The following CDH18 variants were observed in gnomAD, a reference collection of about 807,000 sequenced individuals.
The protein encoded by CDH18 is cadherin 18.
A neutral mutation model predicts 67.9 loss-of-function variants in CDH18; 31 were observed. The observed-to-expected ratio is 0.46, with a 90% confidence interval of 0.34 to 0.62. CDH18 has a LOEUF of 0.62. Among genes scored for constraint, CDH18 ranks in the 20% least tolerant of loss-of-function variants. The probability of loss-of-function intolerance (pLI) is 0.01; values close to 1 mark genes in which losing one functional copy is unlikely to be tolerated. For missense variants in CDH18, 890 were observed against 975.5 expected (o/e 0.91, Z 1.17); for synonymous variants, 362 against 347.2 (o/e 1.04, Z -0.48).
chr5:20,347,348 C>A (rs1468921848), intron 1 of CDH18, among the ~76,000 whole-genome samples: 13 of 152,168 alleles, frequency 8.5e-5, no homozygotes, highest in Non-Finnish European at 1.8e-4. Context: ...CAAACAATGT[C>A]CCCTCACAGC....
intron 3 of CDH18, among the ~76,000 whole-genome samples, chr5:19,836,573 T>C (rs755145897): frequency 1.3e-5 from 2 of 152,190 alleles, no homozygotes; most frequent in Non-Finnish European, 2.9e-5. Flanking sequence ...TATTAACCCT[T>C]TGCCAGATGG....
chr5:20,154,221 T>G (rs2126583028), intron 2 of CDH18, among the ~76,000 whole-genome samples: 1 of 152,324 alleles, frequency 6.6e-6, no homozygotes. Context: ...ATTTGTTTAT[T>G]AATCAGTTAG....
At chr5:19,671,322 G>GA (rs1293935864) in intron 5 of CDH18, among the ~76,000 whole-genome samples, 1 of 151,956 alleles carries the variant, frequency 6.6e-6, no homozygotes, top group African/African-American at 2.4e-5. Context: ...AGGTAATTAA[G>GA]AAAAAATAAC....
intron 2 of CDH18, among the ~76,000 whole-genome samples, chr5:20,005,860 G>A (rs1019552960): frequency 1.2e-4 from 18 of 151,854 alleles, no homozygotes; most frequent in Admixed American, 3.3e-4. Flanking sequence ...ATTTAACTAC[G>A]TTTCATGGAT....
intron 1 of CDH18, among the ~76,000 whole-genome samples, chr5:20,272,430 T>C (rs917380783): frequency 1.3e-5 from 2 of 152,068 alleles, no homozygotes; most frequent in African/African-American, 4.8e-5. Flanking sequence ...ACACAGTATG[T>C]TGAGGGAGTA....
intron 1 of CDH18, among the ~76,000 whole-genome samples, chr5:20,331,721 C>T (rs993724701): frequency 1.2e-4 from 18 of 152,158 alleles, no homozygotes; most frequent in Admixed American, 5.9e-4. Flanking sequence ...GGAGGAATTA[C>T]ACCTGGGCCC....
intron 2 of CDH18, among the ~76,000 whole-genome samples, chr5:20,053,935 A>T (rs1741675333): frequency 6.6e-6 from 1 of 152,086 alleles, no homozygotes; most frequent in South Asian, 2.1e-4. Flanking sequence ...GTTCCTGTGG[A>T]ACCCTTTGCT....
chr5:20,529,949 G>T (rs1353685507), intron 1 of CDH18, among the ~76,000 whole-genome samples: 2 of 152,004 alleles, frequency 1.3e-5, no homozygotes, highest in Non-Finnish European at 2.9e-5. Flanking sequence ...CGGTCAAATT[G>T]TCTTTGTTTG....
chr5:19,532,340 A>T (rs1434383428), intron 9 of CDH18, among the ~76,000 whole-genome samples: 1 of 152,170 alleles, frequency 6.6e-6, no homozygotes, highest in Non-Finnish European at 1.5e-5. Context: ...TGGGTTGTTG[A>T]CACCAAGATG....
chr5:20,511,236 T>C (rs1368160961), intron 1 of CDH18, among the ~76,000 whole-genome samples: 2 of 152,190 alleles, frequency 1.3e-5, no homozygotes, highest in Non-Finnish European at 2.9e-5. Flanking sequence ...TACAACGAAG[T>C]GTCAGCACTC....
intron 1 of CDH18, among the ~76,000 whole-genome samples, chr5:20,419,346 C>A (rs976055654): frequency 5.9e-5 from 9 of 151,988 alleles, no homozygotes; most frequent in Admixed American, 2.6e-4. Context: ...ACACCCTTCA[C>A]CAGAACCCAA....
chr5:20,135,023 T>A (rs1045470586), intron 2 of CDH18, among the ~76,000 whole-genome samples: 2 of 152,128 alleles, frequency 1.3e-5, no homozygotes, highest in African/African-American at 4.8e-5. Flanking sequence ...GACTGTATAT[T>A]TATTTTTCCC....
intron 2 of CDH18, among the ~76,000 whole-genome samples, chr5:20,229,879 T>G (rs903707022): frequency 6.6e-6 from 1 of 152,136 alleles, no homozygotes; most frequent in African/African-American, 2.4e-5. Flanking sequence ...ATTAATAATA[T>G]GATTACAGTG....
At chr5:19,979,705 C>T (rs946392709) in intron 2 of CDH18, among the ~76,000 whole-genome samples, 1 of 152,126 alleles carries the variant, frequency 6.6e-6, no homozygotes, top group Non-Finnish European at 1.5e-5. Context: ...GATAAAAATA[C>T]GTTGACTAAT....
chr5:19,741,471 C>G (rs556230847), intron 4 of CDH18, among the ~76,000 whole-genome samples: 1 of 151,784 alleles, frequency 6.6e-6, no homozygotes, highest in African/African-American at 2.4e-5. Context: ...TCATGGCTCC[C>G]AAGTAGCCAC....
intron 1 of CDH18, among the ~76,000 whole-genome samples, chr5:20,458,593 G>A (rs940589130): frequency 3.3e-5 from 5 of 152,092 alleles, no homozygotes; most frequent in African/African-American, 1.2e-4. Flanking sequence ...ACTTCAGCCT[G>A]GGCAACAGAG....
At chr5:19,967,764 C>A (rs1335715347) in intron 2 of CDH18, among the ~76,000 whole-genome samples, 1 of 152,048 alleles carries the variant, frequency 6.6e-6, no homozygotes, top group Non-Finnish European at 1.5e-5. Context: ...GGAAGCATTC[C>A]TTTTGAAAAC....
intron 1 of CDH18, among the ~76,000 whole-genome samples, chr5:20,283,993 C>G (rs1561938761): frequency 6.6e-6 from 1 of 151,938 alleles, no homozygotes; most frequent in Non-Finnish European, 1.5e-5. Context: ...ATAAGCCAAG[C>G]ACGGAAAGAC....
chr5:20,510,834 A>G lies in CDH18; in HGVS notation c.-580+64628T>C, dbSNP rs1419915415. Reference sequence around the variant, plus strand: ...CAATTGAAAGTGTTAATGCAATGTTATTAGAATATGCAGATGACCCAAGAG... The same window carrying G: ...CAATTGAAAGTGTTAATGCAATGTTGTTAGAATATGCAGATGACCCAAGAG... On this transcript the variant is annotated intron_variant, in intron 1 of 14. Transcript: ENST00000507958. Among the ~76,000 whole-genome samples, 3 of 152,334 alleles carry G rather than the reference A, an allele frequency of 2.0e-5. No homozygotes were observed. The East Asian group carries it at 5.8e-4, about 29-fold the overall frequency.
Sources: allele counts gnomAD v4.1 joint callset (sites outside exome capture counted in the v4.1 genomes callset), GRCh38; gene constraint gnomAD v4.1.1; transcripts MANE v1.5; gene names NCBI Gene and HGNC (gene_info 2026-07-23, HGNC 2026-07-21).